The following ZFP90 variants were observed in gnomAD, a reference collection of about 807,000 sequenced individuals.
ZFP90 encodes the protein zinc finger protein 90 homolog.
A neutral mutation model predicts 60.8 loss-of-function variants in ZFP90; 38 were observed. The ratio of observed to expected loss-of-function variants is 0.62; its 90% CI spans 0.48 to 0.82. ZFP90 has a LOEUF of 0.82. Among genes scored for constraint, ZFP90 ranks in the 40% least tolerant of loss-of-function variants. The pLI, the probability that ZFP90 is intolerant of heterozygous loss-of-function variation, is 0.00. For missense variants in ZFP90, 711 were observed against 759.1 expected (o/e 0.94, Z 0.74); for synonymous variants, 287 against 264.8 (o/e 1.08, Z -0.82).
chr16:68,557,798 G>A (rs1283222778), intron 2 of ZFP90, among the ~76,000 whole-genome samples, 200 bp from the exon 3 acceptor site: 1 of 148,188 alleles, frequency 6.7e-6, no homozygotes, highest in Non-Finnish European at 1.5e-5. Flanking sequence ...AGGACAAATT[G>A]CCCCTCATAA....
At position 68,565,107 on chromosome 16, in the gene ZFP90, C is replaced by G; in HGVS notation, c.*409C>G. On this transcript the variant is annotated 3_prime_UTR_variant, in exon 5 of 5. Transcript: ENST00000563169. ...CAACTGCACTCAACTGCAGCTCTTA[C>G]ATTAACTTCACCATGGAAACCAGTT... The G allele has an allele frequency of 1.0e-6, 1 of 994,878 alleles. No individual in the cohort carries two copies. Among genetic ancestry groups the G allele is most frequent in the South Asian group, 4.5e-5 (1 of 22,144 alleles). The allele number at this position is 994,878 out of a possible 1,614,324, so 61.6% of individuals were successfully genotyped here.
intron 2 of ZFP90, among the ~76,000 whole-genome samples, chr16:68,542,043 T>A (rs2091059514): frequency 6.6e-6 from 1 of 152,166 alleles, no homozygotes; most frequent in African/African-American, 2.4e-5. Context: ...AACGGGGCTT[T>A]TCAGGCAGAA....
At chr16:68,558,393 A>G (rs545725408) in intron 3 of ZFP90, 80 bp from the exon 4 acceptor site, 6 of 1,311,728 alleles carry the variant, frequency 4.6e-6, no homozygotes, top group Non-Finnish European at 4.4e-6. Flanking sequence ...AGGATCAAGG[A>G]CTAGTACTGA....
intron 2 of ZFP90, chr16:68,575,697 G>A (rs528013303): frequency 3.8e-5 from 15 of 396,668 alleles, no homozygotes; most frequent in East Asian, 1.1e-4. Context: ...TTCTCAATCC[G>A]GTCTGTGGAT....
At chr16:68,558,717 T>C (rs2091387883) in intron 4 of ZFP90, 149 bp downstream of exon 4, 1 of 650,896 alleles carries the variant, frequency 1.5e-6, no homozygotes, top group South Asian at 1.9e-5. Context: ...TGTAGGTCTC[T>C]CTTCAAAAGG....
intron 2 of ZFP90, among the ~76,000 whole-genome samples, chr16:68,547,611 G>A (rs1042386540): frequency 1.9e-4 from 29 of 151,814 alleles, no homozygotes; most frequent in Admixed American, 6.6e-4. Flanking sequence ...TAATTACAAT[G>A]TATTTTAAAT....
intron 2 of ZFP90, among the ~76,000 whole-genome samples, chr16:68,556,170 C>CA (rs947471206): frequency 3.4e-4 from 50 of 148,908 alleles, no homozygotes; most frequent in South Asian, 1.3e-3. Flanking sequence ...ATCCTGTCTC[C>CA]AAAAAAAAAG....
At chr16:68,559,090 CT>C (rs1180058157) in intron 4 of ZFP90, among the ~76,000 whole-genome samples, 1 of 152,134 alleles carries the variant, frequency 6.6e-6, no homozygotes, top group African/African-American at 2.4e-5. Flanking sequence ...CAGTTCCTCG[CT>C]TGTTAAGAGC....
At chr16:68,536,267 G>A (rs1030564046), upstream of ZFP90, among the ~76,000 whole-genome samples, 3 of 152,150 alleles carry the variant, frequency 2.0e-5, no homozygotes, top group Non-Finnish European at 4.4e-5. Flanking sequence ...GGTGAACGCT[G>A]CCTTCCGCAC....
upstream of ZFP90, among the ~76,000 whole-genome samples, chr16:68,536,528 G>T (rs1186457142): frequency 1.3e-5 from 2 of 151,974 alleles, no homozygotes; most frequent in African/African-American, 4.8e-5. Flanking sequence ...GGTCTGGAAC[G>T]CCTAGGCTCA....
intron 2 of ZFP90, among the ~76,000 whole-genome samples, chr16:68,553,798 T>C (rs2091298955): frequency 3.3e-5 from 5 of 151,904 alleles, no homozygotes. Flanking sequence ...TTAAAAAATT[T>C]GTTTGTGTTA....
At chr16:68,548,897 T>C (rs2091203831) in intron 2 of ZFP90, among the ~76,000 whole-genome samples, 1 of 152,234 alleles carries the variant, frequency 6.6e-6, no homozygotes, top group East Asian at 1.9e-4. Context: ...TAGATTTGGC[T>C]GTTAATGCCA....
chr16:68,557,417 C>T (rs962168524), intron 2 of ZFP90: 1 of 361,892 alleles, frequency 2.8e-6, no homozygotes, highest in African/African-American at 2.1e-5. Context: ...CAATAAGGTG[C>T]AATTATTCCA....
In ZFP90 at chr16:68,565,376, A is replaced by C; in HGVS notation, c.*678A>C. 1 of 985,600 alleles carries C rather than the reference A, an allele frequency of 1.0e-6. No homozygotes were observed. Among genetic ancestry groups the C allele is most frequent in the Non-Finnish European group, 1.2e-6 (1 of 829,940 alleles). The allele number at this position is 985,600 out of a possible 1,614,324, so 61.1% of individuals were successfully genotyped here. A position where few individuals can be genotyped will look rare whatever the true frequency, so the allele number is the denominator to read the frequency against. On this transcript the variant is annotated 3_prime_UTR_variant, in exon 5 of 5. Transcript: ENST00000563169. ...ATTTTAAGATGTATCAGATACACAA[A>C]CATTTAATGGGCACCTATGGGTTGG... is the stretch of plus-strand genomic sequence containing the variant.
Position 68,564,119 on chromosome 16 carries a change from T to G in ZFP90, c.1332T>G (p.Leu444=). The change falls in exon 5 of 5, where the codon CTT becomes CTG. Residue 444 remains leucine (L), a synonymous_variant. Transcript: ENST00000563169. ...CTCTCACTCAAGATGAAAGCACTCT[T>G]ACCGAAGTGAAATCCTACCATTGTA... ...STSLTQDEST[L]TEVKSYHCND... 1 of 1,614,164 alleles carries G rather than the reference T, an allele frequency of 6.2e-7. No homozygotes were observed. The highest frequency in any genetic ancestry group is 1.1e-5 in the South Asian group (1 of 91,076).
At chr16:68,554,785 C>G (rs766816043) in intron 2 of ZFP90, among the ~76,000 whole-genome samples, 25 of 152,176 alleles carry the variant, frequency 1.6e-4, no homozygotes, top group Non-Finnish European at 2.5e-4. Context: ...GACCCCATCT[C>G]TATTAAACAA....
At chr16:68,567,146 T>A, downstream of ZFP90, 8 of 985,614 alleles carry the variant, frequency 8.1e-6, no homozygotes, top group Non-Finnish European at 9.6e-6. Context: ...AGTCAGTTTG[T>A]CGTTTTCAAT....
rs2091538515 is a variant in ZFP90 at position 68,566,994 on chromosome 16, G to A, written c.*2296G>A. On this transcript the variant is annotated 3_prime_UTR_variant, in exon 5 of 5. Coordinates refer to ENST00000563169, the MANE Select transcript of ZFP90 (RefSeq NM_001305203.2). Reference sequence around the variant, plus strand: ...GGGAGGGAGCCCAGGACATATGTGTGGCTCATTGACCAGAAGGCTTTCTTA... The same window carrying A: ...GGGAGGGAGCCCAGGACATATGTGTAGCTCATTGACCAGAAGGCTTTCTTA... The A allele has an allele frequency of 1.0e-6, 1 of 985,470 alleles. No homozygotes were observed. Among genetic ancestry groups the A allele is most frequent in the African/African-American group, 1.7e-5 (1 of 57,236 alleles). 61.0% of individuals were successfully genotyped at this position (985,470 alleles called of 1,614,324 possible).
chr16:68,564,203 TA>T lies in ZFP90; in HGVS notation c.1417del (p.Thr473LeufsTer41), dbSNP rs1567411706. ...ACTTTACTGACCATCAGAGGATCCA[TA>T]CTGCAGAGAACCCCTATGATTGTGA... ...TDFTDHQRIH[T>X]AENPYDCEQA... On this transcript the variant is annotated frameshift_variant, in exon 5 of 5. Transcript: ENST00000563169. LOFTEE classifies it high-confidence loss of function. 6.2e-7 allele frequency: 1 copy of T among 1,614,056 alleles called. No individual in the cohort carries two copies. The highest frequency in any genetic ancestry group is 8.5e-7 in the Non-Finnish European group (1 of 1,179,988).
Sources: allele counts gnomAD v4.1 joint callset (sites outside exome capture counted in the v4.1 genomes callset), GRCh38; gene constraint gnomAD v4.1.1; transcripts MANE v1.5; gene names NCBI Gene and HGNC (gene_info 2026-07-23, HGNC 2026-07-21).